IGF1R: variants seen among roughly 807,000 people sequenced by gnomAD.
IGF1R encodes insulin like growth factor 1 receptor.
Under a neutral mutation model 144.6 loss-of-function variants are expected in IGF1R, and 44 were observed. The observed-to-expected ratio is 0.30, with a 90% confidence interval of 0.24 to 0.39. The LOEUF is 0.39. Among genes scored for constraint, IGF1R ranks in the 10% least tolerant of loss-of-function variants. The pLI, the probability that IGF1R is intolerant of heterozygous loss-of-function variation, is 1.00. For synonymous variants in IGF1R, 795 were observed against 722.8 expected, an observed-to-expected ratio of 1.10 and a Z score of -1.60; for missense variants, 1,355 against 1,833.7, an observed-to-expected ratio of 0.74 and a Z score of 4.77.
intron 1 of IGF1R, among the ~76,000 whole-genome samples, chr15:98,656,993 AGTT>A (rs2052500852): frequency 6.6e-6 from 1 of 152,232 alleles, no homozygotes; most frequent in Non-Finnish European, 1.5e-5. Flanking sequence ...ATATTTTGAT[AGTT>A]GTTAGAGCAT....
At chr15:98,844,731 C>G (rs1476446012) in intron 2 of IGF1R, among the ~76,000 whole-genome samples, 3 of 151,938 alleles carry the variant, frequency 2.0e-5, no homozygotes, top group African/African-American at 7.3e-5. Context: ...CATAAATGCT[C>G]CCTTTTTCAT....
chr15:98,672,784 AT>A (rs1161262816), intron 1 of IGF1R, among the ~76,000 whole-genome samples: 3 of 152,150 alleles, frequency 2.0e-5, no homozygotes, highest in African/African-American at 7.2e-5. Flanking sequence ...TAATCATTTC[AT>A]TTGGGGTGAA....
chr15:98,685,929 G>A (rs2053316980), intron 1 of IGF1R, among the ~76,000 whole-genome samples: 1 of 152,252 alleles, frequency 6.6e-6, no homozygotes, highest in African/African-American at 2.4e-5. Context: ...AAATGTACGA[G>A]TTCAGTGGCA....
chr15:98,781,025 G>A (rs550567551), intron 2 of IGF1R, among the ~76,000 whole-genome samples: 39 of 152,198 alleles, frequency 2.6e-4, no homozygotes, highest in Non-Finnish European at 5.0e-4. Flanking sequence ...AGGAGGCTGA[G>A]GTGGGAGGAC....
rs1053247912 is a variant in IGF1R, at chr15:98,916,068, A to G, written c.1933A>G (p.Ile645Val). 1 of 1,614,160 alleles carries G rather than the reference A, an allele frequency of 6.2e-7. No individual in the cohort carries two copies. Among genetic ancestry groups the G allele is most frequent in the Non-Finnish European group, 8.5e-7 (1 of 1,180,018 alleles). The change falls in exon 9 of 21, where the codon ATT (isoleucine) becomes GTT (valine). Residue 645 changes from isoleucine (I) to valine (V), a missense_variant. Around this residue, in one of 7 missense-constraint regions of IGF1R, gnomAD observed 880 missense variants for 1,202.7 expected, o/e 0.73. Transcript: ENST00000650285. ...GCCCAACGGCAACCTGAGTTACTAC[A>G]TTGTGCGCTGGCAGCGGCAGCCTCA... ...SLPNGNLSYY[I>V]VRWQRQPQDG...
intron 1 of IGF1R, among the ~76,000 whole-genome samples, chr15:98,679,083 G>GT (rs2053123301): frequency 6.6e-6 from 1 of 151,956 alleles, no homozygotes; most frequent in Admixed American, 6.6e-5. Flanking sequence ...ATTTTTAAAT[G>GT]TTTTTTAGAG....
intron 2 of IGF1R, among the ~76,000 whole-genome samples, chr15:98,717,040 TG>T (rs1188971396): frequency 6.6e-6 from 1 of 152,202 alleles, no homozygotes; most frequent in Admixed American, 6.5e-5. Flanking sequence ...TTCCCCTGCT[TG>T]TTTTCCCCAT....
intron 2 of IGF1R, among the ~76,000 whole-genome samples, chr15:98,811,874 GA>G (rs1170945058): frequency 6.6e-6 from 1 of 152,166 alleles, no homozygotes; most frequent in African/African-American, 2.4e-5. Context: ...TGCAGTGAGA[GA>G]TCGCGCCACT....
chr15:98,649,876 CG>C (rs1472325204), intron 1 of IGF1R, among the ~76,000 whole-genome samples: 4 of 152,108 alleles, frequency 2.6e-5, no homozygotes, highest in Non-Finnish European at 5.9e-5. Flanking sequence ...TGGAGCCCCG[CG>C]GGCCCTGGCT....
intron 13 of IGF1R, among the ~76,000 whole-genome samples, chr15:98,925,247 G>A (rs2015667070): frequency 6.6e-6 from 1 of 152,192 alleles, no homozygotes; most frequent in Non-Finnish European, 1.5e-5. Context: ...CTTTGGTACA[G>A]AGACTGAGGA....
intron 10 of IGF1R, among the ~76,000 whole-genome samples, chr15:98,921,164 C>T (rs899246611): frequency 2.0e-5 from 3 of 152,208 alleles, no homozygotes; most frequent in East Asian, 3.9e-4. Flanking sequence ...TCTCACCATT[C>T]GTCCATGGCT....
At chr15:98,818,352 G>A (rs2056737385) in intron 2 of IGF1R, among the ~76,000 whole-genome samples, 1 of 152,192 alleles carries the variant, frequency 6.6e-6, no homozygotes, top group African/African-American at 2.4e-5. Context: ...CACAGTGGAA[G>A]TTGGGGATGA....
At chr15:98,675,905 A>G (rs2141205388) in intron 1 of IGF1R, among the ~76,000 whole-genome samples, 1 of 139,648 alleles carries the variant, frequency 7.2e-6, no homozygotes, top group East Asian at 2.1e-4. Context: ...TGTTCAAAGC[A>G]GCCTCCCCCT....
chr15:98,842,547 T>C (rs569208504), intron 2 of IGF1R, among the ~76,000 whole-genome samples: 1 of 152,358 alleles, frequency 6.6e-6, no homozygotes, highest in African/African-American at 2.4e-5. Context: ...GTAATTGATG[T>C]GTTAACAATT....
chr15:98,905,277 AT>A (rs150558366), intron 5 of IGF1R, among the ~76,000 whole-genome samples: 1 of 152,134 alleles, frequency 6.6e-6, no homozygotes, highest in Non-Finnish European at 1.5e-5. Flanking sequence ...AGAAATAAAC[AT>A]TTTTTACAAC....
chr15:98,665,455 A>G (rs1467531950), intron 1 of IGF1R, among the ~76,000 whole-genome samples: 1 of 151,988 alleles, frequency 6.6e-6, no homozygotes, highest in Non-Finnish European at 1.5e-5. Flanking sequence ...ATCAATGTGA[A>G]CTGTGGATGT....
chr15:98,728,014 T>TTTTTG (rs1555436618), intron 2 of IGF1R, among the ~76,000 whole-genome samples: 3 of 148,810 alleles, frequency 2.0e-5, no homozygotes, highest in Non-Finnish European at 4.5e-5. Context: ...ATTGTTTTTT[T>TTTTTG]TTTTTTTTTT....
At chr15:98,779,819 G>C (rs907800) in intron 2 of IGF1R, among the ~76,000 whole-genome samples, 3 of 152,158 alleles carry the variant, frequency 2.0e-5, no homozygotes, top group East Asian at 1.9e-4. Context: ...TGTGGAGATA[G>C]CCTGTTGGCA....
intron 2 of IGF1R, among the ~76,000 whole-genome samples, chr15:98,729,653 C>A (rs1431275481): frequency 1.3e-5 from 2 of 151,480 alleles, no homozygotes; most frequent in African/African-American, 2.4e-5. Context: ...CTGTCCCGTT[C>A]CCTGGAGACA....
Sources: allele counts gnomAD v4.1 joint callset (sites outside exome capture counted in the v4.1 genomes callset), GRCh38; gene constraint gnomAD v4.1.1; regional missense constraint gnomAD v4.1.1; transcripts MANE v1.5; gene names NCBI Gene and HGNC (gene_info 2026-07-23, HGNC 2026-07-21).